Variants in SLC25A16 observed in about 807,000 individuals in gnomAD.
The protein encoded by SLC25A16 is solute carrier family 25 member 16.
SLC25A16 carries 39 observed loss-of-function variants against 41.5 expected under a neutral mutation model. The observed-to-expected ratio is 0.94, with a 90% CI of 0.73 to 1.23. The LOEUF (loss-of-function observed/expected upper bound fraction) is 1.23, where lower values mean the gene tolerates loss of function less well. Ranked by LOEUF, SLC25A16 falls within the 50% of genes most tolerant of loss-of-function variation. The pLI is 0.00. For missense variants in SLC25A16, 421 were observed against 426.9 expected, an observed-to-expected ratio of 0.99 and a Z score of 0.12; for synonymous variants, 146 against 147.8, an observed-to-expected ratio of 0.99 and a Z score of 0.09.
At position 68,527,510 on chromosome 10, in the gene SLC25A16, G is replaced by C; in HGVS notation, c.-135C>G. ...AAGTAACACCCGGCGGCGCGGCGCC[G>C]GCTGATGGCGTACAGCAAGGGCGGG... On this transcript the variant is annotated 5_prime_UTR_variant, in exon 1 of 9. Transcript: ENST00000609923. The C allele has an allele frequency of 1.2e-6, 1 of 809,726 alleles. No homozygotes were observed. Among genetic ancestry groups the C allele is most frequent in the East Asian group, 3.2e-5 (1 of 31,056 alleles). 50.2% of individuals were successfully genotyped at this position (809,726 alleles called of 1,614,324 possible).
chr10:68,523,477 AT>A (rs1043308344), intron 1 of SLC25A16, among the ~76,000 whole-genome samples: 1 of 149,028 alleles, frequency 6.7e-6, no homozygotes, highest in Non-Finnish European at 1.5e-5. Flanking sequence ...AATAAATGTC[AT>A]TTTTTTTTAA....
intron 4 of SLC25A16, chr10:68,499,788 A>C (rs1450962851): frequency 9.3e-6 from 4 of 430,542 alleles, no homozygotes; most frequent in Non-Finnish European, 1.8e-5. Context: ...GAATGAGTGC[A>C]GTGGGAAAAG....
At position 68,483,856 on chromosome 10, in the gene SLC25A16, G is replaced by A. The variant is rs188681758; in HGVS notation, c.843-268C>T. ...TTTTGTAATTTTTAGTAGAGACGGG[G>A]TTTCTCCATGTTGCCCAGGCCAGTC... On this transcript the variant is annotated intron_variant, in intron 8 of 8. Coordinates refer to ENST00000609923, the MANE Select transcript of SLC25A16 (RefSeq NM_152707.4). 3.2e-3 allele frequency among the ~76,000 whole-genome samples: 494 copies of A among 152,072 alleles called. 5 individuals are homozygous for A. Among genetic ancestry groups the A allele is most frequent in the African/African-American group, 0.011 (468 of 41,502 alleles).
intron 4 of SLC25A16, among the ~76,000 whole-genome samples, chr10:68,497,076 G>A (rs2052760509): frequency 1.3e-5 from 2 of 152,152 alleles, no homozygotes; most frequent in African/African-American, 4.8e-5. Context: ...TGAAGTATAT[G>A]GACATTTACA....
At chr10:68,519,222 C>T (rs1026755937) in intron 1 of SLC25A16, among the ~76,000 whole-genome samples, 1 of 151,914 alleles carries the variant, frequency 6.6e-6, no homozygotes, top group African/African-American at 2.4e-5. Flanking sequence ...GGCGCAGTGG[C>T]TCATGCCTGT....
chr10:68,503,991 CTGGGGGT>C (rs949270462), intron 3 of SLC25A16, among the ~76,000 whole-genome samples: 26 of 146,950 alleles, frequency 1.8e-4, no homozygotes, highest in African/African-American at 6.1e-4. Context: ...TAACAAGTGA[CTGGGGGT>C]AGTAGGAATA....
intron 1 of SLC25A16, among the ~76,000 whole-genome samples, chr10:68,519,993 AG>A (rs11312307): frequency 1 from 146,822 of 146,838 alleles, 73,403 homozygotes; most frequent in Middle Eastern, 1. Context: ...TTTTTTTTCC[AG>A]GGCTGGAGTG....
chr10:68,494,431 C>T (rs1489809134), intron 4 of SLC25A16, among the ~76,000 whole-genome samples: 2 of 127,204 alleles, frequency 1.6e-5, no homozygotes, highest in African/African-American at 2.9e-5. Context: ...CACTGCAGTC[C>T]GGCCTGGCAA....
intron 1 of SLC25A16, among the ~76,000 whole-genome samples, chr10:68,525,079 C>T (rs2133610065): frequency 6.6e-6 from 1 of 152,000 alleles, no homozygotes; most frequent in African/African-American, 2.4e-5. Context: ...AAACTTAATA[C>T]TGCTGCAGTC....
At chr10:68,506,783 A>G in intron 2 of SLC25A16, 65 bp from the exon 3 acceptor site, 1 of 1,057,414 alleles carries the variant, frequency 9.5e-7, no homozygotes, top group Non-Finnish European at 1.3e-6. Context: ...TTTCATGACA[A>G]TCACAGATAA....
In SLC25A16 at chr10:68,481,015, A is replaced by C. The variant is rs1157890487; in HGVS notation, c.*2417T>G. Reference sequence around the variant, plus strand: ...AAAAGAAATTTTTATACAGGCTTTTATACAGCCACCCAGGCTGGAGTGCAA... The same window carrying C: ...AAAAGAAATTTTTATACAGGCTTTTCTACAGCCACCCAGGCTGGAGTGCAA... On this transcript the variant is annotated 3_prime_UTR_variant, in exon 9 of 9. Coordinates refer to ENST00000609923, the MANE Select transcript of SLC25A16 (RefSeq NM_152707.4). 6.7e-6 allele frequency: 1 copy of C among 149,670 alleles called. No individual in the cohort carries two copies. The highest frequency in any genetic ancestry group is 1.5e-5 in the Non-Finnish European group (1 of 67,620). 9.3% of individuals were successfully genotyped at this position (149,670 alleles called of 1,614,324 possible).
In SLC25A16 at chr10:68,506,500, T is replaced by G. The variant is rs557966988; in HGVS notation, c.357+85A>C. The G allele has an allele frequency of 9.0e-6, 8 of 886,410 alleles. No individual in the cohort carries two copies. In the African/African-American group the frequency reaches 1.4e-4, roughly 16 times the overall value. The allele number at this position is 886,410 out of a possible 1,614,324, so 54.9% of individuals were successfully genotyped here. On this transcript the variant is annotated intron_variant, in intron 3 of 8. Coordinates refer to ENST00000609923, the MANE Select transcript of SLC25A16 (RefSeq NM_152707.4). ...TTTTTAAAAATATGAAACTTTTACA[T>G]ATTTTTAAATGTCCAAAGCAAATGC...
chr10:68,513,075 G>A (rs562814232), intron 2 of SLC25A16, among the ~76,000 whole-genome samples: 45 of 152,124 alleles, frequency 3.0e-4, no homozygotes, highest in African/African-American at 1.0e-3. Flanking sequence ...GCTGGGCGGT[G>A]AAGTCCCACG....
intron 3 of SLC25A16, 90 bp downstream of exon 3, chr10:68,506,495 T>C (rs2052956905): frequency 2.3e-6 from 2 of 867,652 alleles, no homozygotes; most frequent in Non-Finnish European, 3.2e-6. Flanking sequence ...TATGAAACTT[T>C]TACATATTTT....
intron 2 of SLC25A16, among the ~76,000 whole-genome samples, chr10:68,513,229 T>C (rs1325298012): frequency 1.3e-5 from 2 of 149,976 alleles, no homozygotes; most frequent in Admixed American, 6.7e-5. Flanking sequence ...CCAAACATAG[T>C]GAAACCCCGT....
intron 8 of SLC25A16, among the ~76,000 whole-genome samples, chr10:68,486,656 G>A (rs914740781): frequency 4.0e-5 from 6 of 151,806 alleles, no homozygotes; most frequent in African/African-American, 1.2e-4. Context: ...TTACAGGCAC[G>A]AGCTATCGTG....
chr10:68,501,240 G>A (rs997257423), intron 4 of SLC25A16, among the ~76,000 whole-genome samples: 4 of 151,330 alleles, frequency 2.6e-5, no homozygotes, highest in Non-Finnish European at 4.4e-5. Context: ...GACAGAGAGG[G>A]ACTCCATCTC....
At chr10:68,516,657 C>T in intron 2 of SLC25A16, 94 bp downstream of exon 2, 1 of 807,604 alleles carries the variant, frequency 1.2e-6, no homozygotes, top group Admixed American at 3.0e-5. Context: ...GGAACCTCTA[C>T]TTTACTTTTT....
intron 1 of SLC25A16, among the ~76,000 whole-genome samples, chr10:68,522,208 C>T (rs914087685): frequency 6.6e-6 from 1 of 151,538 alleles, no homozygotes; most frequent in South Asian, 2.1e-4. Flanking sequence ...ATTACTTATA[C>T]GTGCAATGTG....
Sources: gnomAD v4.1 joint callset for allele counts (sites outside exome capture counted in the v4.1 genomes callset) on GRCh38, gnomAD v4.1.1 for gene constraint, MANE v1.5 for transcripts, NCBI Gene and HGNC (gene_info 2026-07-23, HGNC 2026-07-21) for gene names.